The following CLCN3 variants were observed in gnomAD, a reference collection of about 807,000 sequenced individuals.
CLCN3 encodes Cl-/H+ antiporter 3.
A neutral mutation model predicts 83.4 loss-of-function variants in CLCN3; 16 were observed. The observed-to-expected ratio is 0.19, with a 90% CI of 0.13 to 0.29. The LOEUF (loss-of-function observed/expected upper bound fraction) is 0.29, where lower values mean the gene tolerates loss of function less well. CLCN3 is among the 10% of genes least tolerant of loss of function. CLCN3 has a pLI of 1.00. For missense variants in CLCN3, 544 were observed against 1,006.0 expected (o/e 0.54, Z 6.21); for synonymous variants, 322 against 346.2 (o/e 0.93, Z 0.78).
chr4:169,712,273 T>C (rs1422647967), intron 11 of CLCN3, among the ~76,000 whole-genome samples: 1 of 152,210 alleles, frequency 6.6e-6, no homozygotes, highest in African/African-American at 2.4e-5. Context: ...TTCTCTCCAT[T>C]GAGTTTCCTT....
At chr4:169,660,252 T>A in intron 2 of CLCN3, 1 of 1,250,972 alleles carries the variant, frequency 8.0e-7, no homozygotes, top group South Asian at 2.9e-5. Context: ...AGTTTTAACC[T>A]CATCAAATAT....
intron 2 of CLCN3, among the ~76,000 whole-genome samples, chr4:169,645,428 G>A (rs1358246668): frequency 6.6e-6 from 1 of 152,036 alleles, no homozygotes; most frequent in African/African-American, 2.4e-5. Context: ...TGGAATTTGG[G>A]GATTTATAAT....
In CLCN3 at chr4:169,687,651, A is replaced by G; in HGVS notation, c.319-7A>G. The G allele has an allele frequency of 6.3e-7, 1 of 1,592,120 alleles. No homozygotes were observed. Among genetic ancestry groups the G allele is most frequent in the Non-Finnish European group, 8.6e-7 (1 of 1,164,858 alleles). The stretch of plus-strand genomic sequence containing the variant: ...GAAAAATGAAGCATAAACATTTCTA[A>G]TTTCAGATCAACAGCAAAAAGAAAG... On this transcript the variant is annotated splice_region_variant and splice_polypyrimidine_tract_variant and intron_variant, in intron 3 of 12. Transcript: ENST00000513761.
rs141693270 is a variant in CLCN3, at chr4:169,664,888, G to A, written c.161-15162G>A. On this transcript the variant is annotated intron_variant, in intron 2 of 12. Transcript: ENST00000513761. ...TAATTTTGGCTATTTTCCCAGCATC[G>A]AGGTTTCTGCTTTGCGTTTATGCAG... Among the ~76,000 whole-genome samples the A allele has an allele frequency of 5.1e-4, 78 of 152,248 alleles. No individual in the cohort carries two copies. In the East Asian group the frequency reaches 0.011, roughly 22 times the overall value.
chr4:169,672,388 C>T (rs1219194323), intron 2 of CLCN3, among the ~76,000 whole-genome samples: 1 of 152,058 alleles, frequency 6.6e-6, no homozygotes, highest in Non-Finnish European at 1.5e-5. Context: ...GAGCTGCCTG[C>T]CTCAGCCTCC....
intron 2 of CLCN3, among the ~76,000 whole-genome samples, chr4:169,641,959 G>A (rs540345744): frequency 6.6e-6 from 1 of 152,090 alleles, no homozygotes; most frequent in Non-Finnish European, 1.5e-5. Flanking sequence ...CAACTTAAAG[G>A]GATAAACAGA....
At position 169,651,178 on chromosome 4, in the gene CLCN3, T is replaced by G. The variant is rs145386467; in HGVS notation, c.160+15090T>G. On this transcript the variant is annotated intron_variant, in intron 2 of 12. Coordinates refer to ENST00000513761, the MANE Select transcript of CLCN3 (RefSeq NM_001829.4). Reference sequence around the variant, plus strand: ...ATTGTCATTGCATTGCAAAAAAAATTTTTCTTCTTAAAAAAATTTCAAAGA... The same window carrying G: ...ATTGTCATTGCATTGCAAAAAAAATGTTTCTTCTTAAAAAAATTTCAAAGA... Among the ~76,000 whole-genome samples, 23 of 152,212 alleles carry G rather than the reference T, an allele frequency of 1.5e-4. No individual in the cohort carries two copies. In the East Asian group the frequency reaches 4.4e-3, roughly 29 times the overall value.
At chr4:169,680,305 AT>A (rs1261244390) in intron 3 of CLCN3, 98 bp downstream of exon 3, 13 of 810,506 alleles carry the variant, frequency 1.6e-5, no homozygotes, top group Admixed American at 1.2e-4. Context: ...AAATGTTTAC[AT>A]TTAATATAAG....
chr4:169,671,941 G>C (rs933963019), intron 2 of CLCN3, among the ~76,000 whole-genome samples: 1 of 152,170 alleles, frequency 6.6e-6, no homozygotes, highest in Admixed American at 6.5e-5. Flanking sequence ...TGTGAGCACA[G>C]TGGCTCACGC....
intron 11 of CLCN3, among the ~76,000 whole-genome samples, chr4:169,708,847 T>C (rs1451439539): frequency 6.6e-6 from 1 of 151,894 alleles, no homozygotes; most frequent in Non-Finnish European, 1.5e-5. Flanking sequence ...CACATGACTT[T>C]CTAAGCACAC....
chr4:169,684,821 C>T (rs1456132394), intron 3 of CLCN3, among the ~76,000 whole-genome samples: 1 of 152,064 alleles, frequency 6.6e-6, no homozygotes, highest in Non-Finnish European at 1.5e-5. Flanking sequence ...CAAACATAGT[C>T]ATTTCGTTTA....
chr4:169,689,581 A>G (rs560522101), intron 5 of CLCN3, among the ~76,000 whole-genome samples: 360 of 152,334 alleles, frequency 2.4e-3, no homozygotes, highest in Admixed American at 4.6e-3. Context: ...TTATGAAAGT[A>G]TTATCAAATA....
rs1182935379 is a variant in CLCN3 at position 169,684,985 on chromosome 4, T to C, written c.319-2673T>C. ...CACCATGCCTGGCTAATTTTTTTTT[T>C]TTTTTTTTTTTTTAAGAGACTGGGT... On this transcript the variant is annotated intron_variant, in intron 3 of 12. Coordinates refer to ENST00000513761, the MANE Select transcript of CLCN3 (RefSeq NM_001829.4). Among the ~76,000 whole-genome samples the C allele has an allele frequency of 1.1e-4, 16 of 151,192 alleles. No homozygotes were observed. The South Asian group carries it at 3.1e-3, about 30-fold the overall frequency.
chr4:169,638,986 C>T (rs907860954), intron 2 of CLCN3, among the ~76,000 whole-genome samples: 7 of 152,140 alleles, frequency 4.6e-5, no homozygotes, highest in African/African-American at 1.4e-4. Context: ...GCCCAATTAG[C>T]AAGTATAAAG....
At chr4:169,693,110 T>C (rs1223553980) in intron 7 of CLCN3, among the ~76,000 whole-genome samples, 1 of 152,226 alleles carries the variant, frequency 6.6e-6, no homozygotes, top group Non-Finnish European at 1.5e-5. Context: ...TCTCATTAAA[T>C]ACTGGCAGAA....
rs1177287611 is a variant in CLCN3 at position 169,647,202 on chromosome 4, C to T, written c.160+11114C>T. On this transcript the variant is annotated intron_variant, in intron 2 of 12. Transcript: ENST00000513761. Reference sequence around the variant, plus strand: ...CCCAGGAATTCGAGACCAGCCTGGGCAATATGGCGAAACCCTGTCTCTACA... The same window carrying T: ...CCCAGGAATTCGAGACCAGCCTGGGTAATATGGCGAAACCCTGTCTCTACA... 5.3e-5 allele frequency among the ~76,000 whole-genome samples: 8 copies of T among 151,994 alleles called. No homozygotes were observed. The South Asian group carries it at 1.5e-3, about 28-fold the overall frequency.
intron 2 of CLCN3, among the ~76,000 whole-genome samples, chr4:169,670,772 G>A (rs747336922): frequency 2.6e-4 from 40 of 152,160 alleles, no homozygotes; most frequent in African/African-American, 5.1e-4. Context: ...CCATTTGTTT[G>A]TGTCGTTTCT....
chr4:169,719,899 C>T lies in CLCN3; in HGVS notation c.2367-8C>T, dbSNP rs28590040. The T allele has an allele frequency of 6.3e-4, 1,007 of 1,601,688 alleles. 5 individuals are homozygous for T. In the African/African-American group the frequency reaches 0.01, roughly 16 times the overall value. On this transcript the variant is annotated splice_region_variant and splice_polypyrimidine_tract_variant and intron_variant, in intron 12 of 12. Coordinates refer to ENST00000513761, the MANE Select transcript of CLCN3 (RefSeq NM_001829.4). ...ATTTCATAGGAGTCTTCTGTTTATT[C>T]CTTTCAGGCGCCTCCTTGGCATTAT...
At position 169,680,128 on chromosome 4, in the gene CLCN3, C is replaced by A; in HGVS notation, c.239C>A (p.Pro80Gln). 1 of 1,612,336 alleles carries A rather than the reference C, an allele frequency of 6.2e-7. No individual in the cohort carries two copies. Among genetic ancestry groups the A allele is most frequent in the South Asian group, 1.1e-5 (1 of 91,052 alleles). Residue 80 changes from proline to glutamine, a missense_variant, in exon 3 of 13, where the codon CCA becomes CAA. By Grantham distance (76) the Pro-to-Gln change is moderately conservative (BLOSUM62 -1). Coordinates refer to ENST00000513761, the MANE Select transcript of CLCN3 (RefSeq NM_001829.4). ...CTGGATCTTTTGGATGAACCAATTC[C>A]AGGTGTTGGTACATATGATGATTTC... ...HLLDLLDEPI[P>Q]GVGTYDDFHT...
Sources: gnomAD v4.1 joint callset for allele counts (sites outside exome capture counted in the v4.1 genomes callset) on GRCh38, gnomAD v4.1.1 for gene constraint, MANE v1.5 for transcripts, NCBI Gene and HGNC (gene_info 2026-07-23, HGNC 2026-07-21) for gene names.